Variants in METTL8 observed in about 807,000 individuals in gnomAD.
METTL8 encodes methyltransferase 8, tRNA N3-cytidine.
In METTL8, 32 loss-of-function variants were observed where a neutral mutation model predicts 48.7. The ratio of observed to expected loss-of-function variants is 0.66; its 90% confidence interval spans 0.50 to 0.88. METTL8 has a LOEUF of 0.88. Among genes scored for constraint, METTL8 ranks in the 40% least tolerant of loss-of-function variants. The pLI is 0.00. For synonymous variants in METTL8, 136 were observed against 157.1 expected (o/e 0.87, Z 1.01); for missense variants, 464 against 474.4 (o/e 0.98, Z 0.20).
At chr2:171,425,585 T>C (rs1269425443) in intron 1 of METTL8, among the ~76,000 whole-genome samples, 1 of 152,152 alleles carries the variant, frequency 6.6e-6, no homozygotes, top group African/African-American at 2.4e-5. Flanking sequence ...AGGAATGGAA[T>C]TGTGTCAATA....
intron 1 of METTL8, among the ~76,000 whole-genome samples, chr2:171,408,291 TTTTTG>T (rs1313023970): frequency 7.2e-6 from 1 of 139,284 alleles, no homozygotes; most frequent in African/African-American, 3.2e-5. Context: ...TTCTACAGTT[TTTTTG>T]TTTTTTTTTT....
rs1312347086 is a variant in METTL8 at position 171,318,008 on chromosome 2, G to C, written c.*6164C>G. The C allele has an allele frequency of 6.6e-6, 1 of 152,148 alleles. No homozygotes were observed. Among genetic ancestry groups the C allele is most frequent in the Non-Finnish European group, 1.5e-5 (1 of 68,026 alleles). 9.4% of individuals were successfully genotyped at this position (152,148 alleles called of 1,614,324 possible). On this transcript the variant is annotated 3_prime_UTR_variant, in exon 10 of 10. Coordinates refer to ENST00000375258, the MANE Select transcript of METTL8 (RefSeq NM_001321154.2). ...CACGCAGAACTATTATTACTTGCTT[G>C]TTACTGCATGTTGCTGATTCATACT...
chr2:171,315,854 CA>C lies in METTL8; in HGVS notation c.*8317del, dbSNP rs1169977369. 1.3e-5 allele frequency among the ~76,000 whole-genome samples: 2 copies of C among 152,098 alleles called. No homozygotes were observed. Among genetic ancestry groups the C allele is most frequent in the Admixed American group, 6.5e-5 (1 of 15,278 alleles). On this transcript the variant is annotated 3_prime_UTR_variant, in exon 10 of 10. Transcript: ENST00000375258. Reference sequence around the variant, plus strand: ...AGAAAATGTTCAACTATGTAATAACCAAAGCTTCCTTAACTTGGGAATCTTG... The same window carrying C: ...AGAAAATGTTCAACTATGTAATAACCAAGCTTCCTTAACTTGGGAATCTTG...
intron 1 of METTL8, among the ~76,000 whole-genome samples, chr2:171,425,798 G>A (rs189073520): frequency 1.4e-3 from 210 of 152,244 alleles, no homozygotes; most frequent in African/African-American, 4.4e-3. Context: ...GAAAACTAAC[G>A]CATTCTTTAA....
intron 1 of METTL8, among the ~76,000 whole-genome samples, chr2:171,425,929 C>T (rs969421976): frequency 6.6e-6 from 1 of 152,234 alleles, no homozygotes; most frequent in East Asian, 1.9e-4. Context: ...GAGGCTGAGG[C>T]AGGCAGATCA....
At chr2:171,408,422 G>A (rs1690415498) in intron 1 of METTL8, among the ~76,000 whole-genome samples, 2 of 151,772 alleles carry the variant, frequency 1.3e-5, no homozygotes, top group Admixed American at 6.6e-5. Flanking sequence ...AGCCTCCCGA[G>A]TAGCTGGGAT....
At chr2:171,331,973 G>T in intron 5 of METTL8, 106 bp from the exon 6 acceptor site, 2 of 738,070 alleles carry the variant, frequency 2.7e-6, no homozygotes, top group Non-Finnish European at 4.5e-6. Flanking sequence ...ATAACCTTGA[G>T]CTCCTGGACT....
rs1484212985 is a variant in METTL8, at chr2:171,324,133, C to T, written c.*39G>A. ...TAGACTTACAGTAGTCCTTGAATAGCACAGTCCTCTGGCTTTGTACCTTAA... is the reference window on the plus strand; with the variant it reads ...TAGACTTACAGTAGTCCTTGAATAGTACAGTCCTCTGGCTTTGTACCTTAA... On this transcript the variant is annotated 3_prime_UTR_variant, in exon 10 of 10. Coordinates refer to ENST00000375258, the MANE Select transcript of METTL8 (RefSeq NM_001321154.2). 1 of 1,399,466 alleles carries T rather than the reference C, an allele frequency of 7.1e-7. No homozygotes were observed. Among genetic ancestry groups the T allele is most frequent in the Non-Finnish European group, 9.8e-7 (1 of 1,021,620 alleles). The allele number at this position is 1,399,466 out of a possible 1,614,324, so 86.7% of individuals were successfully genotyped here. A position where few individuals can be genotyped will look rare whatever the true frequency, so the allele number is the denominator to read the frequency against.
chr2:171,403,956 C>T (rs942878199), intron 1 of METTL8, among the ~76,000 whole-genome samples: 2 of 148,138 alleles, frequency 1.4e-5, no homozygotes, highest in Non-Finnish European at 3.0e-5. Context: ...TTCAGTGGTC[C>T]CCTCCTCATC....
chr2:171,428,048 A>G (rs576542352), intron 1 of METTL8, among the ~76,000 whole-genome samples: 2 of 152,210 alleles, frequency 1.3e-5, no homozygotes, highest in African/African-American at 4.8e-5. Flanking sequence ...TTTTGAATTA[A>G]TATTTCTTCT....
chr2:171,339,185 T>C lies in METTL8; in HGVS notation c.605A>G (p.Glu202Gly). Residue 202 changes from glutamate (E) to glycine (G), a missense_variant and splice_region_variant, in exon 4 of 10, where the codon GAG becomes GGG. By Grantham distance (98) the Glu-to-Gly change is moderately conservative. Transcript: ENST00000375258. ...PGSNATFRIL[E>G]VGCGAGNSVF... is the part of the protein sequence containing the mutation. ...ATTTTTGTCCCTTGAGCACAATACC[T>C]CTAGTATCCTGAAAGTGGCATTGCT... 6.6e-7 allele frequency: 1 copy of C among 1,518,122 alleles called. No homozygotes were observed. Among genetic ancestry groups the C allele is most frequent in the Non-Finnish European group, 8.8e-7 (1 of 1,131,046 alleles). The allele number at this position is 1,518,122 out of a possible 1,614,324, so 94.0% of individuals were successfully genotyped here.
At chr2:171,389,150 A>C (rs1688346972) in intron 2 of METTL8, among the ~76,000 whole-genome samples, 1 of 152,210 alleles carries the variant, frequency 6.6e-6, no homozygotes, top group Admixed American at 6.5e-5. Flanking sequence ...TTGCAAGCTG[A>C]GATAGGACAA....
intron 3 of METTL8, among the ~76,000 whole-genome samples, chr2:171,343,513 ATAG>A (rs2105430240): frequency 6.6e-6 from 1 of 152,088 alleles, no homozygotes; most frequent in South Asian, 2.1e-4. Context: ...AATACACAGA[ATAG>A]TATATACATT....
intron 2 of METTL8, among the ~76,000 whole-genome samples, chr2:171,382,113 A>G (rs559936526): frequency 6.6e-6 from 1 of 152,126 alleles, no homozygotes; most frequent in Non-Finnish European, 1.5e-5. Context: ...GTGGGCATGT[A>G]AATTAGTTCA....
chr2:171,425,307 C>G (rs1692291050), intron 1 of METTL8, among the ~76,000 whole-genome samples: 1 of 152,168 alleles, frequency 6.6e-6, no homozygotes, highest in Non-Finnish European at 1.5e-5. Flanking sequence ...TGGAGCAACT[C>G]TTTGTGGCAG....
At position 171,318,409 on chromosome 2, in the gene METTL8, A is replaced by G. The variant is rs1268790706; in HGVS notation, c.*5763T>C. 1 of 152,226 alleles carries G rather than the reference A, an allele frequency of 6.6e-6. No homozygotes were observed. 9.4% of individuals were successfully genotyped at this position (152,226 alleles called of 1,614,324 possible). On this transcript the variant is annotated 3_prime_UTR_variant, in exon 10 of 10. Transcript: ENST00000375258. ...GATTTCACATATTTTACATTACCCTAGAGCTGAATCCTTTTGAAGACATTT... is the reference window on the plus strand; with the variant it reads ...GATTTCACATATTTTACATTACCCTGGAGCTGAATCCTTTTGAAGACATTT...
At chr2:171,349,625 T>C (rs114946329) in intron 3 of METTL8, among the ~76,000 whole-genome samples, 2,688 of 152,300 alleles carry the variant, frequency 0.018, 36 homozygotes, top group Non-Finnish European at 0.027. Flanking sequence ...GCTATGAACA[T>C]AGGTGTGCAA....
chr2:171,375,202 C>T, intron 2 of METTL8: 1 of 1,382,390 alleles, frequency 7.2e-7, no homozygotes, highest in Non-Finnish European at 1.0e-6. Flanking sequence ...GCATCGGGTA[C>T]AGTTAGTGCA....
intron 1 of METTL8, among the ~76,000 whole-genome samples, chr2:171,405,127 T>C (rs1690044301): frequency 6.6e-6 from 1 of 152,094 alleles, no homozygotes; most frequent in Non-Finnish European, 1.5e-5. Context: ...GGGAAGATAA[T>C]GAGTTCAATT....
Sources: allele counts gnomAD v4.1 joint callset (sites outside exome capture counted in the v4.1 genomes callset), GRCh38; gene constraint gnomAD v4.1.1; transcripts MANE v1.5; gene names NCBI Gene and HGNC (gene_info 2026-07-23, HGNC 2026-07-21).